Variants in USPL1 observed in about 807,000 individuals in gnomAD.
USPL1 encodes the protein ubiquitin specific peptidase like 1.
USPL1 carries 27 observed loss-of-function variants against 51.5 expected under a neutral mutation model. That is an observed-to-expected ratio of 0.52 (90% confidence interval 0.39 to 0.72). The LOEUF (loss-of-function observed/expected upper bound fraction) is 0.72. Ranked by LOEUF, USPL1 falls within the 30% of genes least tolerant of loss-of-function variation. The pLI, the probability that USPL1 is intolerant of heterozygous loss-of-function variation, is 0.00. For synonymous variants in USPL1, 451 were observed against 459.6 expected (o/e 0.98, Z 0.24); for missense variants, 1,226 against 1,268.0 (o/e 0.97, Z 0.50).
At chr13:30,621,316 T>C (rs1297569171) in intron 2 of USPL1, 77 bp downstream of exon 2, 1 of 1,094,346 alleles carries the variant, frequency 9.1e-7, no homozygotes, top group African/African-American at 1.6e-5. Context: ...TCAATTTTGA[T>C]GTTACCAGTT....
chr13:30,632,777 AGTTTT>A (rs1476744065), intron 4 of USPL1, among the ~76,000 whole-genome samples: 1 of 152,168 alleles, frequency 6.6e-6, no homozygotes, highest in Non-Finnish European at 1.5e-5. Flanking sequence ...AATAGTGGTT[AGTTTT>A]AAGTGTTTAA....
chr13:30,649,671 T>A (rs1356660523), intron 7 of USPL1, among the ~76,000 whole-genome samples: 1 of 152,248 alleles, frequency 6.6e-6, no homozygotes, highest in Non-Finnish European at 1.5e-5. Context: ...CAGTCTCTCT[T>A]GAGTGCAAGG....
At chr13:30,634,190 T>C (rs1411651090) in intron 4 of USPL1, among the ~76,000 whole-genome samples, 1 of 152,106 alleles carries the variant, frequency 6.6e-6, no homozygotes, top group Non-Finnish European at 1.5e-5. Flanking sequence ...AGCACTGCAA[T>C]ACCATGGCAA....
chr13:30,651,417 A>G (rs2137707112), intron 7 of USPL1, among the ~76,000 whole-genome samples: 1 of 152,260 alleles, frequency 6.6e-6, no homozygotes, highest in African/African-American at 2.4e-5. Flanking sequence ...TGGTCTTGGC[A>G]GTTTTTACTT....
At chr13:30,629,880 C>T (rs913792819) in intron 3 of USPL1, among the ~76,000 whole-genome samples, 1 of 151,966 alleles carries the variant, frequency 6.6e-6, no homozygotes, top group Admixed American at 6.6e-5. Context: ...CATGAATTAC[C>T]AGGAGGTGTA....
At chr13:30,644,870 G>A (rs577104778) in intron 6 of USPL1, among the ~76,000 whole-genome samples, 11 of 152,272 alleles carry the variant, frequency 7.2e-5, no homozygotes, top group Admixed American at 3.3e-4. Flanking sequence ...GAGAATTAAC[G>A]TTTTATTCAT....
intron 5 of USPL1, 120 bp from the exon 6 acceptor site, chr13:30,642,508 A>G: frequency 8.3e-7 from 1 of 1,207,734 alleles, no homozygotes; most frequent in South Asian, 1.8e-5. Context: ...TTATTGTGTC[A>G]TACTGTATTA....
chr13:30,642,842 C>T, intron 6 of USPL1, 85 bp downstream of exon 6: 23 of 1,488,018 alleles, frequency 1.5e-5, no homozygotes, highest in Non-Finnish European at 1.9e-5. Flanking sequence ...CCAGACACTA[C>T]AGTTTGCTTG....
chr13:30,641,364 G>A (rs956151293), intron 5 of USPL1, among the ~76,000 whole-genome samples: 1 of 152,014 alleles, frequency 6.6e-6, no homozygotes, highest in African/African-American at 2.4e-5. Flanking sequence ...ATGGAAGTGA[G>A]GCTCTGTCCA....
At chr13:30,651,259 G>GA (rs914188852) in intron 7 of USPL1, among the ~76,000 whole-genome samples, 2 of 152,110 alleles carry the variant, frequency 1.3e-5, no homozygotes, top group Non-Finnish European at 2.9e-5. Context: ...TGCTGGTTAA[G>GA]AAAATCAAAT....
chr13:30,654,288 T>C (rs1243918256), intron 8 of USPL1, among the ~76,000 whole-genome samples: 1 of 152,140 alleles, frequency 6.6e-6, no homozygotes, highest in Non-Finnish European at 1.5e-5. Context: ...TTGGGTGTTT[T>C]TGGTATTGGT....
chr13:30,621,726 G>C, intron 2 of USPL1, 38 bp from the exon 3 acceptor site: 1 of 1,391,800 alleles, frequency 7.2e-7, no homozygotes, highest in South Asian at 1.7e-5. Flanking sequence ...TATATTCTAG[G>C]AATGTCTATA....
chr13:30,633,402 T>C (rs1356090796), intron 4 of USPL1, among the ~76,000 whole-genome samples: 2 of 152,140 alleles, frequency 1.3e-5, no homozygotes, highest in Non-Finnish European at 2.9e-5. Context: ...TAATGGGGGA[T>C]GGATGGTACT....
At chr13:30,638,150 A>G (rs1382943037) in intron 5 of USPL1, among the ~76,000 whole-genome samples, 3 of 152,216 alleles carry the variant, frequency 2.0e-5, no homozygotes, top group Non-Finnish European at 4.4e-5. Flanking sequence ...TTCCTAGTAG[A>G]CAGATCTAGC....
intron 7 of USPL1, among the ~76,000 whole-genome samples, chr13:30,649,998 G>A (rs1951068085): frequency 6.6e-6 from 1 of 152,136 alleles, no homozygotes; most frequent in African/African-American, 2.4e-5. Context: ...GGCATTGTGG[G>A]TAGGAAGAAG....
chr13:30,645,324 A>G (rs1304840030), intron 6 of USPL1, among the ~76,000 whole-genome samples: 1 of 152,166 alleles, frequency 6.6e-6, no homozygotes, highest in Admixed American at 6.5e-5. Flanking sequence ...AAATTTACTA[A>G]TTAGGTAGAG....
chr13:30,652,210 T>C (rs1358501089), intron 7 of USPL1, among the ~76,000 whole-genome samples: 2 of 152,228 alleles, frequency 1.3e-5, no homozygotes, highest in African/African-American at 2.4e-5. Context: ...TGGGAAAGTT[T>C]AGTGTTATAG....
intron 6 of USPL1, among the ~76,000 whole-genome samples, chr13:30,644,447 A>G (rs1950991574): frequency 1.3e-5 from 2 of 151,938 alleles, no homozygotes; most frequent in South Asian, 4.1e-4. Flanking sequence ...CAGATCTACT[A>G]GAACAGGGTA....
intron 7 of USPL1, among the ~76,000 whole-genome samples, chr13:30,651,970 A>T (rs1951097602): frequency 6.6e-6 from 1 of 152,160 alleles, no homozygotes; most frequent in African/African-American, 2.4e-5. Context: ...AAAGAAAAAA[A>T]AAAAGGTCAG....
Sources: gnomAD v4.1 joint callset for allele counts (sites outside exome capture counted in the v4.1 genomes callset) on GRCh38, gnomAD v4.1.1 for gene constraint, MANE v1.5 for transcripts, NCBI Gene and HGNC (gene_info 2026-07-23, HGNC 2026-07-21) for gene names.